Variants in KIF23 observed in about 807,000 individuals in gnomAD.
KIF23 encodes the protein kinesin family member 23.
In KIF23, 30 loss-of-function variants were observed where a neutral mutation model predicts 137.5. The observed-to-expected ratio is 0.22, with a 90% CI of 0.16 to 0.30. KIF23 has a LOEUF of 0.30. Ranked by LOEUF, KIF23 falls within the 10% of genes least tolerant of loss-of-function variation. The pLI, the probability that KIF23 is intolerant of heterozygous loss-of-function variation, is 1.00. For missense variants in KIF23, 920 were observed against 1,194.3 expected (o/e 0.77, Z 3.38); for synonymous variants, 367 against 391.1 (o/e 0.94, Z 0.73).
chr15:69,421,941 C>CT (rs758450286), intron 4 of KIF23, 51 bp from the exon 5 acceptor site: 22 of 1,595,276 alleles, frequency 1.4e-5, no homozygotes, highest in East Asian at 8.9e-5. Context: ...AAGAAATACT[C>CT]TAAGTGGAGA....
intron 1 of KIF23, chr15:69,414,722 G>A (rs2056848935): frequency 2.5e-6 from 1 of 403,664 alleles, no homozygotes; most frequent in Non-Finnish European, 4.3e-6. Context: ...AAGGGGCCAG[G>A]AAGGGTCGGC....
rs1313874220 is a variant in KIF23 at position 69,436,270 on chromosome 15, TG to T, written c.1438+11del. 6.2e-7 allele frequency: 1 copy of T among 1,609,496 alleles called. No homozygotes were observed. On this transcript the variant is annotated intron_variant, in intron 14 of 23. Transcript: ENST00000679126. ...AGGTCCAGTTGGAAATGGTATGATT[TG>T]GTGTTGTATCATTTGTCCACTCATT... is the stretch of plus-strand genomic sequence containing the variant.
intron 22 of KIF23, 193 bp downstream of exon 22, chr15:69,446,557 G>T: frequency 3.2e-6 from 2 of 626,946 alleles, no homozygotes; most frequent in Non-Finnish European, 5.7e-6. Flanking sequence ...TGTTATTCCT[G>T]AGGAGAATCT....
At chr15:69,438,227 A>T in intron 15 of KIF23, 21 bp from the exon 16 acceptor site, 1 of 1,584,114 alleles carries the variant, frequency 6.3e-7, no homozygotes, top group Non-Finnish European at 8.5e-7. Context: ...GTAAAACTTG[A>T]CCTGTATGTT....
rs112860684 is a variant in KIF23 at position 69,416,069 on chromosome 15, G to T, written c.81+6G>T. On this transcript the variant is annotated splice_donor_region_variant and intron_variant, in intron 2 of 23. Coordinates refer to ENST00000679126, the MANE Select transcript of KIF23 (RefSeq NM_001367805.3). ...ACCTTAAAGACCCAGTTGGGGTAAG[G>T]TATCCCTGTAAATTTATGTGTGGTG... The T allele has an allele frequency of 1.9e-6, 3 of 1,555,664 alleles. No individual in the cohort carries two copies. The East Asian group carries it at 6.9e-5, about 36-fold the overall frequency.
intron 9 of KIF23, 39 bp from the exon 10 acceptor site, chr15:69,426,297 T>A (rs367718642): frequency 1.2e-6 from 2 of 1,609,964 alleles, no homozygotes; most frequent in African/African-American, 2.7e-5. Flanking sequence ...ATGAAATGAC[T>A]GAGTTCAGGT....
chr15:69,421,788 CT>C, intron 4 of KIF23, 36 bp downstream of exon 4: 2 of 1,458,052 alleles, frequency 1.4e-6, no homozygotes, highest in East Asian at 2.3e-5. Flanking sequence ...TTAGATTTTC[CT>C]TTTTCTCCTC....
intron 10 of KIF23, among the ~76,000 whole-genome samples, chr15:69,427,984 C>T (rs1327162184): frequency 6.6e-6 from 1 of 152,114 alleles, no homozygotes; most frequent in African/African-American, 2.4e-5. Flanking sequence ...AAGGGCCAGG[C>T]GCAGTGACTC....
intron 7 of KIF23, among the ~76,000 whole-genome samples, chr15:69,424,871 G>A (rs1174148254): frequency 6.6e-6 from 1 of 152,168 alleles, no homozygotes; most frequent in Non-Finnish European, 1.5e-5. Context: ...CAACTGTCTT[G>A]ACTCTAATCT....
intron 6 of KIF23, 54 bp from the exon 7 acceptor site, chr15:69,423,105 A>C (rs1304823597): frequency 4.1e-6 from 5 of 1,219,772 alleles, no homozygotes; most frequent in Non-Finnish European, 4.7e-6. Context: ...GGCTGGGATC[A>C]TTTACTTTTA....
chr15:69,426,848 GAAAAT>G (rs1182193288), intron 10 of KIF23, among the ~76,000 whole-genome samples: 1 of 152,126 alleles, frequency 6.6e-6, no homozygotes, highest in African/African-American at 2.4e-5. Flanking sequence ...GAAAATATTC[GAAAAT>G]AAAATGCTGC....
chr15:69,442,994 T>C (rs1316880337), intron 19 of KIF23, among the ~76,000 whole-genome samples: 3 of 152,240 alleles, frequency 2.0e-5, no homozygotes, highest in Non-Finnish European at 4.4e-5. Context: ...TTTCATCATA[T>C]GCTTATTGTT....
rs531441046 is a variant in KIF23 at position 69,428,786 on chromosome 15, A to G, written c.1012-325A>G. Among the ~76,000 whole-genome samples the G allele has an allele frequency of 2.3e-4, 35 of 152,204 alleles. 1 individual carries two copies. Among genetic ancestry groups the G allele is most frequent in the African/African-American group, 7.2e-4 (30 of 41,514 alleles). On this transcript the variant is annotated intron_variant, in intron 10 of 23. Transcript: ENST00000679126. The stretch of plus-strand genomic sequence containing the variant: ...TGTTCTAGACTCTTATTCAGCAAAT[A>G]TCTGCTGAGTTCCTACTCAGTGGTA...
intron 10 of KIF23, chr15:69,427,315 G>A (rs964815398): frequency 6.7e-6 from 3 of 444,620 alleles, no homozygotes; most frequent in African/African-American, 6.1e-5. Flanking sequence ...GACACCAAGG[G>A]ATGACTCTGT....
rs1455352778 is a variant in KIF23 at position 69,441,046 on chromosome 15, T to TACA, written c.2388_2389insACA (p.Asn796_Glu797insThr). 1 of 1,613,364 alleles carries TACA rather than the reference T, an allele frequency of 6.2e-7. No homozygotes were observed. The highest frequency in any genetic ancestry group is 8.5e-7 in the Non-Finnish European group (1 of 1,179,512). On this transcript the variant is annotated inframe_insertion, in exon 19 of 24. Transcript: ENST00000679126. ...GGGAGGTGGTTCCTACATTCAGAAA[T>TACA]GAGATAGAAATAGAAGAGGATCATT...
intron 11 of KIF23, chr15:69,434,443 T>G: frequency 2.2e-6 from 1 of 462,610 alleles, no homozygotes; most frequent in South Asian, 3.2e-5. Flanking sequence ...CCCTTCTCCC[T>G]GAAACTTGTT....
At chr15:69,443,255 A>G (rs1596024546) in intron 19 of KIF23, among the ~76,000 whole-genome samples, 1 of 149,654 alleles carries the variant, frequency 6.7e-6, no homozygotes, top group East Asian at 2.0e-4. Flanking sequence ...TGAGGTCTTC[A>G]TACTTGACTA....
chr15:69,443,183 A>G (rs1467414170), intron 19 of KIF23, among the ~76,000 whole-genome samples: 1 of 152,084 alleles, frequency 6.6e-6, no homozygotes, highest in African/African-American at 2.4e-5. Flanking sequence ...CTAGTGCTGC[A>G]TTTGTTTCTT....
chr15:69,430,121 G>A (rs1251332536), intron 11 of KIF23, among the ~76,000 whole-genome samples: 1 of 152,170 alleles, frequency 6.6e-6, no homozygotes, highest in African/African-American at 2.4e-5. Flanking sequence ...TTGGCTTCTA[G>A]AGATGGGAAA....
Sources: allele counts gnomAD v4.1 joint callset (sites outside exome capture counted in the v4.1 genomes callset), GRCh38; gene constraint gnomAD v4.1.1; transcripts MANE v1.5; gene names NCBI Gene and HGNC (gene_info 2026-07-23, HGNC 2026-07-21).